Variants in MARCHF1 observed in about 807,000 individuals in gnomAD.
MARCHF1 encodes E3 ubiquitin-protein ligase MARCHF1.
In MARCHF1, 40 loss-of-function variants were observed where a neutral mutation model predicts 54.2. The observed-to-expected ratio is 0.74, with a 90% CI of 0.57 to 0.96. MARCHF1 has a LOEUF of 0.96. MARCHF1 is among the 40% of genes least tolerant of loss of function. MARCHF1 has a pLI of 0.00. For missense variants in MARCHF1, 586 were observed against 656.5 expected (o/e 0.89, Z 1.17); for synonymous variants, 236 against 236.3 (o/e 1.00, Z 0.01).
rs556668761 is a variant in MARCHF1, at chr4:163,978,551, A to G, written c.-39+9950T>C. ...TGAGGAAACTGAGGCACAGAGATGGAAAGTAACCTGAGTTTCCACAGCTGC... is the reference window on the plus strand; with the variant it reads ...TGAGGAAACTGAGGCACAGAGATGGGAAGTAACCTGAGTTTCCACAGCTGC... On this transcript the variant is annotated intron_variant, in intron 3 of 9. Transcript: ENST00000514618. Among the ~76,000 whole-genome samples, 6 of 152,250 alleles carry G rather than the reference A, an allele frequency of 3.9e-5. No homozygotes were observed. The East Asian group carries it at 1.2e-3, about 29-fold the overall frequency.
At position 163,890,366 on chromosome 4, in the gene MARCHF1, TTC is replaced by T. The variant is rs887879468; in HGVS notation, c.-38-36199_-38-36198del. On this transcript the variant is annotated intron_variant, in intron 3 of 9. Transcript: ENST00000514618. The stretch of plus-strand genomic sequence containing the variant: ...CAGCTTTGAAATATTTAAATGGGCT[TTC>T]TCTCTCTCTCTCTGTTTTTTCTTCT... Among the ~76,000 whole-genome samples the T allele has an allele frequency of 9.3e-5, 4 of 42,870 alleles. No homozygotes were observed. The Admixed American group carries it at 1.6e-3, about 17-fold the overall frequency. 28.1% of individuals were successfully genotyped at this position (42,870 alleles called of 152,430 possible). A position where few individuals can be genotyped will look rare whatever the true frequency, so the allele number is the denominator to read the frequency against.
intron 8 of MARCHF1, among the ~76,000 whole-genome samples, chr4:163,554,878 G>T (rs1412563263): frequency 6.6e-6 from 1 of 152,106 alleles, no homozygotes; most frequent in African/African-American, 2.4e-5. Flanking sequence ...CTTATTACAT[G>T]CATATGTAAA....
chr4:164,118,206 T>A (rs1755979834), intron 1 of MARCHF1, among the ~76,000 whole-genome samples: 2 of 151,694 alleles, frequency 1.3e-5, no homozygotes, highest in Non-Finnish European at 2.9e-5. Flanking sequence ...ACAAATATTT[T>A]TATATGGAAA....
chr4:163,962,632 T>C (rs1215231141), intron 3 of MARCHF1, among the ~76,000 whole-genome samples: 3 of 152,066 alleles, frequency 2.0e-5, no homozygotes, highest in African/African-American at 7.2e-5. Context: ...AAGTTAGAAA[T>C]TGTTTAAGGC....
intron 3 of MARCHF1, among the ~76,000 whole-genome samples, chr4:163,962,765 C>G (rs906658261): frequency 6.6e-6 from 1 of 151,730 alleles, no homozygotes; most frequent in African/African-American, 2.4e-5. Context: ...AGTATAAATT[C>G]AAATCTTCTT....
chr4:164,288,904 G>A (rs1734216853), intron 1 of MARCHF1, among the ~76,000 whole-genome samples: 1 of 152,016 alleles, frequency 6.6e-6, no homozygotes, highest in African/African-American at 2.4e-5. Flanking sequence ...ATTAAAACCT[G>A]TAAACAAATT....
At position 164,144,467 on chromosome 4, in the gene MARCHF1, C is replaced by G. The variant is rs1223455429; in HGVS notation, c.-322-32805G>C. On this transcript the variant is annotated intron_variant, in intron 1 of 9. Coordinates refer to ENST00000514618, the MANE Select transcript of MARCHF1 (RefSeq NM_001394959.1). ...GTAAAAGAACAGAAATTATAACAAA[C>G]GATCTCTCAGACCACAGTGCAATCA... Among the ~76,000 whole-genome samples, 4 of 151,734 alleles carry G rather than the reference C, an allele frequency of 2.6e-5. 1 individual carries two copies. The highest frequency in any genetic ancestry group is 9.7e-5 in the African/African-American group (4 of 41,070).
intron 8 of MARCHF1, among the ~76,000 whole-genome samples, chr4:163,571,446 G>A (rs1027940922): frequency 7.9e-5 from 12 of 152,196 alleles, no homozygotes; most frequent in Middle Eastern, 3.4e-3. Flanking sequence ...ATGATGAATC[G>A]TAAGTGGATG....
At position 164,210,336 on chromosome 4, in the gene MARCHF1, T is replaced by C. The variant is rs189896990; in HGVS notation, c.-322-98674A>G. Among the ~76,000 whole-genome samples the C allele has an allele frequency of 1.2e-3, 176 of 152,212 alleles. 2 individuals carry two copies. The highest frequency in any genetic ancestry group is 0.011 in the Admixed American group (175 of 15,288). ...TTCATGGCAGATTATATAGAGAAGATGCAGAACAGAGATATCAAAGATAAT... is the reference window on the plus strand; with the variant it reads ...TTCATGGCAGATTATATAGAGAAGACGCAGAACAGAGATATCAAAGATAAT... On this transcript the variant is annotated intron_variant, in intron 1 of 9. Coordinates refer to ENST00000514618, the MANE Select transcript of MARCHF1 (RefSeq NM_001394959.1).
intron 1 of MARCHF1, among the ~76,000 whole-genome samples, chr4:164,158,726 C>G (rs1027049437): frequency 2.1e-4 from 32 of 152,084 alleles, no homozygotes; most frequent in Non-Finnish European, 4.4e-4. Context: ...CCACATGCAT[C>G]CTCTCCCCAG....
At chr4:164,027,038 T>G (rs2110981917) in intron 2 of MARCHF1, among the ~76,000 whole-genome samples, 1 of 151,800 alleles carries the variant, frequency 6.6e-6, no homozygotes, top group Non-Finnish European at 1.5e-5. Flanking sequence ...AAGTGAAAGA[T>G]CTCTATAAGG....
intron 3 of MARCHF1, among the ~76,000 whole-genome samples, chr4:163,861,723 C>T (rs1749939252): frequency 6.6e-6 from 1 of 151,990 alleles, no homozygotes; most frequent in African/African-American, 2.4e-5. Context: ...TAGTGATACA[C>T]TTATTCTAAA....
chr4:164,326,316 C>A (rs902549063), intron 1 of MARCHF1, among the ~76,000 whole-genome samples: 22 of 152,182 alleles, frequency 1.4e-4, no homozygotes, highest in Non-Finnish European at 7.3e-5. Flanking sequence ...TCCACATCAT[C>A]TTCTGATCTA....
chr4:163,950,877 A>C (rs1173108367), intron 3 of MARCHF1, among the ~76,000 whole-genome samples: 1 of 152,254 alleles, frequency 6.6e-6, no homozygotes, highest in Non-Finnish European at 1.5e-5. Context: ...TTGACGTTAG[A>C]AGAACTCTCA....
chr4:164,342,734 G>A (rs1450146997), intron 1 of MARCHF1, among the ~76,000 whole-genome samples: 1 of 152,030 alleles, frequency 6.6e-6, no homozygotes, highest in East Asian at 1.9e-4. Flanking sequence ...TTGATGAATG[G>A]ACAAAGAAAA....
intron 2 of MARCHF1, among the ~76,000 whole-genome samples, chr4:164,075,236 T>A (rs1754952620): frequency 2.0e-5 from 3 of 152,240 alleles, no homozygotes; most frequent in Admixed American, 2.0e-4. Flanking sequence ...CTTCATTTAA[T>A]TGGAAAAATA....
chr4:164,168,899 GAGAT>G (rs145332259), intron 1 of MARCHF1, among the ~76,000 whole-genome samples: 43 of 152,080 alleles, frequency 2.8e-4, no homozygotes, highest in Non-Finnish European at 5.7e-4. Flanking sequence ...TAAATACAAA[GAGAT>G]AGAAAATTTA....
chr4:163,526,338 GTTAA>G lies in MARCHF1; in HGVS notation c.*2406_*2409del, dbSNP rs1445229365. 1 of 151,954 alleles carries G rather than the reference GTTAA, an allele frequency of 6.6e-6. No homozygotes were observed. The highest frequency in any genetic ancestry group is 1.9e-4 in the East Asian group (1 of 5,178). 9.4% of individuals were successfully genotyped at this position (151,954 alleles called of 1,614,324 possible). ...ACAGAATTTAAACAATATTTTCCAT[GTTAA>G]TTAAAGTAAATAATTATTTTACTTT... On this transcript the variant is annotated 3_prime_UTR_variant, in exon 10 of 10. Coordinates refer to ENST00000514618, the MANE Select transcript of MARCHF1 (RefSeq NM_001394959.1).
intron 1 of MARCHF1, among the ~76,000 whole-genome samples, chr4:164,272,942 A>T (rs1733778807): frequency 6.6e-6 from 1 of 152,084 alleles, no homozygotes; most frequent in Non-Finnish European, 1.5e-5. Context: ...TATGTACATG[A>T]TGTATGCACG....
Sources: allele counts gnomAD v4.1 joint callset (sites outside exome capture counted in the v4.1 genomes callset), GRCh38; gene constraint gnomAD v4.1.1; transcripts MANE v1.5; gene names NCBI Gene and HGNC (gene_info 2026-07-23, HGNC 2026-07-21).